The following RASEF variants were observed in gnomAD, a reference collection of about 807,000 sequenced individuals.
RASEF encodes ras and EF-hand domain-containing protein.
RASEF carries 68 observed loss-of-function variants against 90.1 expected under a neutral mutation model. The ratio of observed to expected loss-of-function variants is 0.75; its 90% CI spans 0.62 to 0.92. The LOEUF is 0.92. RASEF is among the 40% of genes least tolerant of loss of function. RASEF has a pLI of 0.00. For synonymous variants in RASEF, 331 were observed against 345.2 expected (o/e 0.96, Z 0.46); for missense variants, 949 against 937.2 (o/e 1.01, Z -0.16).
At chr9:83,151,496 C>T in the RASEF span, among the ~76,000 whole-genome samples, 1 of 152,144 alleles carries the variant, frequency 6.6e-6, no homozygotes, top group Non-Finnish European at 1.5e-5. Flanking sequence ...GAATGGATGC[C>T]ATTGCCTGGG....
the RASEF span, among the ~76,000 whole-genome samples, chr9:83,112,654 T>A: frequency 6.6e-6 from 1 of 150,940 alleles, no homozygotes; most frequent in Non-Finnish European, 1.5e-5. Flanking sequence ...ACCATTGCAC[T>A]CCAGCCTGGG....
At chr9:83,022,292 C>A in intron 3 of RASEF, 44 bp downstream of exon 3, 2 of 1,455,150 alleles carry the variant, frequency 1.4e-6, no homozygotes, top group East Asian at 2.3e-5. Flanking sequence ...GTAGAAACCA[C>A]CTCATAAAGA....
the RASEF span, among the ~76,000 whole-genome samples, chr9:83,161,260 G>C: frequency 0.17 from 26,232 of 152,218 alleles, 2,433 homozygotes; most frequent in Non-Finnish European, 0.21. Flanking sequence ...AGCCTGGAGT[G>C]GGGGCTGTAC....
At chr9:83,152,451 G>C in the RASEF span, among the ~76,000 whole-genome samples, 3 of 152,148 alleles carry the variant, frequency 2.0e-5, no homozygotes, top group Non-Finnish European at 4.4e-5. Flanking sequence ...CCCAAGTTGA[G>C]AAAGAGACCA....
the RASEF span, among the ~76,000 whole-genome samples, chr9:83,095,657 C>G: frequency 2.0e-5 from 3 of 151,558 alleles, no homozygotes; most frequent in Non-Finnish European, 4.4e-5. Flanking sequence ...GTATATATTC[C>G]CCTTACAAAA....
chr9:83,036,496 T>C (rs1159531648), intron 1 of RASEF, among the ~76,000 whole-genome samples: 2 of 152,228 alleles, frequency 1.3e-5, no homozygotes, highest in Non-Finnish European at 2.9e-5. Context: ...CTACAGTGAG[T>C]TGACCTTTTT....
At chr9:83,191,459 C>G in the RASEF span, among the ~76,000 whole-genome samples, 11 of 152,126 alleles carry the variant, frequency 7.2e-5, no homozygotes, top group African/African-American at 2.4e-4. Flanking sequence ...AAAAGAATAC[C>G]AGGCAATGAA....
At chr9:83,204,234 G>C in the RASEF span, among the ~76,000 whole-genome samples, 4 of 152,074 alleles carry the variant, frequency 2.6e-5, no homozygotes, top group Admixed American at 6.6e-5. Context: ...AGCACCACAG[G>C]GTTGGCCACT....
intron 1 of RASEF, among the ~76,000 whole-genome samples, chr9:83,061,052 C>T (rs538828795): frequency 9.2e-5 from 14 of 152,126 alleles, no homozygotes; most frequent in Non-Finnish European, 1.8e-4. Flanking sequence ...TGTGGACTCA[C>T]CCTGCCTCAT....
chr9:83,020,813 A>G (rs78824820), intron 3 of RASEF, among the ~76,000 whole-genome samples: 22 of 152,338 alleles, frequency 1.4e-4, no homozygotes, highest in Middle Eastern at 3.4e-3. Context: ...CACGTGCTTG[A>G]TAAGTGTTTG....
At chr9:83,005,551 G>T in intron 7 of RASEF, 51 bp from the exon 8 acceptor site, 1 of 1,319,742 alleles carries the variant, frequency 7.6e-7, no homozygotes, top group Non-Finnish European at 1.1e-6. Flanking sequence ...GTATCATTGG[G>T]GGTCACTGTC....
At chr9:82,997,895 T>A (rs1027511338) in intron 13 of RASEF, among the ~76,000 whole-genome samples, 3 of 152,278 alleles carry the variant, frequency 2.0e-5, no homozygotes, top group African/African-American at 7.2e-5. Context: ...TAAACAAGAT[T>A]AAAATCTGTG....
intron 1 of RASEF, among the ~76,000 whole-genome samples, chr9:83,036,780 A>C (rs1829747783): frequency 6.6e-6 from 1 of 152,208 alleles, no homozygotes; most frequent in African/African-American, 2.4e-5. Context: ...GTGAATCAAT[A>C]ATCAGTTCAT....
At chr9:83,035,119 A>G (rs1670772448) in intron 1 of RASEF, among the ~76,000 whole-genome samples, 1 of 152,186 alleles carries the variant, frequency 6.6e-6, no homozygotes, top group Non-Finnish European at 1.5e-5. Context: ...AGGGACAATT[A>G]AATTAGGTCA....
At chr9:83,023,606 T>C (rs1564080540) in intron 2 of RASEF, among the ~76,000 whole-genome samples, 1 of 152,194 alleles carries the variant, frequency 6.6e-6, no homozygotes. Flanking sequence ...CTGTTCCTAT[T>C]TACTTCTTCC....
chr9:83,048,512 C>A, intron 1 of RASEF: 1 of 985,010 alleles, frequency 1.0e-6, no homozygotes, highest in East Asian at 1.1e-4. Context: ...CTCGTGCAGT[C>A]CTGGGCATAC....
chr9:82,985,457 A>C (rs1828694697), intron 16 of RASEF, among the ~76,000 whole-genome samples: 1 of 152,156 alleles, frequency 6.6e-6, no homozygotes, highest in Non-Finnish European at 1.5e-5. Flanking sequence ...GAGAGATACA[A>C]TTCAAGTTGA....
chr9:83,084,459 T>C, the RASEF span, among the ~76,000 whole-genome samples: 3 of 152,214 alleles, frequency 2.0e-5, no homozygotes, highest in Non-Finnish European at 2.9e-5. Flanking sequence ...TTACATGAAT[T>C]AACCTGGAAA....
the RASEF span, among the ~76,000 whole-genome samples, chr9:83,082,164 C>T: frequency 1.4e-4 from 21 of 152,304 alleles, no homozygotes; most frequent in Admixed American, 1.1e-3. Flanking sequence ...ACGGAAAAAA[C>T]GATCCTCGTT....
Sources: gnomAD v4.1 joint callset for allele counts (sites outside exome capture counted in the v4.1 genomes callset) on GRCh38, gnomAD v4.1.1 for gene constraint, MANE v1.5 for transcripts, NCBI Gene and HGNC (gene_info 2026-07-23, HGNC 2026-07-21) for gene names.